MINDY4: variants seen among roughly 807,000 people sequenced by gnomAD.
The protein encoded by MINDY4 is probable ubiquitin carboxyl-terminal hydrolase MINDY-4.
Under a neutral mutation model 87.0 loss-of-function variants are expected in MINDY4, and 68 were observed. The ratio of observed to expected loss-of-function variants is 0.78; its 90% confidence interval spans 0.64 to 0.96. The LOEUF is 0.96. Ranked by LOEUF, MINDY4 falls within the 40% of genes least tolerant of loss-of-function variation. The pLI is 0.00. For missense variants in MINDY4, 919 were observed against 928.2 expected, an observed-to-expected ratio of 0.99 and a Z score of 0.13; for synonymous variants, 379 against 363.2, an observed-to-expected ratio of 1.04 and a Z score of -0.50.
intron 9 of MINDY4, among the ~76,000 whole-genome samples, chr7:30,841,769 C>A (rs556677933): frequency 6.6e-6 from 1 of 152,284 alleles, no homozygotes; most frequent in African/African-American, 2.4e-5. Context: ...TTCTAGTACT[C>A]CAGAAGCATC....
intron 5 of MINDY4, among the ~76,000 whole-genome samples, chr7:30,809,518 G>C (rs1787920289): frequency 6.6e-6 from 1 of 151,148 alleles, no homozygotes; most frequent in South Asian, 2.1e-4. Flanking sequence ...TTCAGGACAG[G>C]ACCATCGATG....
intron 1 of MINDY4, among the ~76,000 whole-genome samples, chr7:30,775,011 G>A (rs953020628): frequency 2.6e-5 from 4 of 151,900 alleles, no homozygotes; most frequent in Non-Finnish European, 4.4e-5. Flanking sequence ...ATATCTACTG[G>A]GATGTCTAAC....
chr7:30,870,651 G>A (rs894332548), intron 13 of MINDY4, among the ~76,000 whole-genome samples: 2 of 152,226 alleles, frequency 1.3e-5, no homozygotes, highest in African/African-American at 2.4e-5. Flanking sequence ...AGCTGGAATT[G>A]CTAAACTTGT....
At chr7:30,831,354 G>A (rs1036045367) in intron 6 of MINDY4, among the ~76,000 whole-genome samples, 1 of 152,154 alleles carries the variant, frequency 6.6e-6, no homozygotes, top group Non-Finnish European at 1.5e-5. Flanking sequence ...GCAGGCAGCT[G>A]CTTGAATGAA....
chr7:30,837,692 C>T (rs1446144964), intron 7 of MINDY4, among the ~76,000 whole-genome samples: 2 of 152,156 alleles, frequency 1.3e-5, no homozygotes, highest in Admixed American at 1.3e-4. Context: ...TGGGGCAGAC[C>T]CCTCAGGCTC....
chr7:30,777,515 GTT>G (rs974871072), intron 1 of MINDY4, among the ~76,000 whole-genome samples: 8 of 152,062 alleles, frequency 5.3e-5, no homozygotes, highest in African/African-American at 1.9e-4. Context: ...TCAAGATTGT[GTT>G]CTTTTAGTTT....
chr7:30,785,708 T>C, intron 3 of MINDY4, 41 bp from the exon 4 acceptor site: 1 of 1,610,134 alleles, frequency 6.2e-7, no homozygotes, highest in Non-Finnish European at 8.5e-7. Flanking sequence ...ACTGATTCCT[T>C]TTGGGGAGTC....
At chr7:30,792,326 TGAA>T (rs1787350117) in intron 5 of MINDY4, among the ~76,000 whole-genome samples, 1 of 152,242 alleles carries the variant, frequency 6.6e-6, no homozygotes, top group African/African-American at 2.4e-5. Context: ...TGTAGGTTTA[TGAA>T]GAAGATTGGC....
At chr7:30,846,409 C>G (rs981399656) in intron 9 of MINDY4, among the ~76,000 whole-genome samples, 1 of 152,222 alleles carries the variant, frequency 6.6e-6, no homozygotes, top group Non-Finnish European at 1.5e-5. Flanking sequence ...TTTTCCCTAT[C>G]TCTAGATAAA....
chr7:30,831,401 C>T (rs1219837111), intron 6 of MINDY4, among the ~76,000 whole-genome samples: 1 of 152,192 alleles, frequency 6.6e-6, no homozygotes, highest in African/African-American at 2.4e-5. Flanking sequence ...CTCTGTCCCA[C>T]ATCATCCCTA....
intron 4 of MINDY4, among the ~76,000 whole-genome samples, chr7:30,787,030 G>A (rs966002283): frequency 6.6e-6 from 1 of 152,252 alleles, no homozygotes; most frequent in Non-Finnish European, 1.5e-5. Flanking sequence ...GGGTGCAGGT[G>A]CTGGCACTGT....
chr7:30,867,675 G>A (rs1042568410), intron 13 of MINDY4, among the ~76,000 whole-genome samples: 1 of 152,206 alleles, frequency 6.6e-6, no homozygotes, highest in Non-Finnish European at 1.5e-5. Context: ...CGAAAGGGCT[G>A]TTATCTCTGG....
intron 5 of MINDY4, among the ~76,000 whole-genome samples, chr7:30,825,454 T>A (rs1210037739): frequency 2.0e-5 from 3 of 152,288 alleles, no homozygotes; most frequent in South Asian, 2.1e-4. Flanking sequence ...CTCAGCGGGC[T>A]CATGGCCACC....
At chr7:30,784,679 T>C (rs939762392) in intron 3 of MINDY4, among the ~76,000 whole-genome samples, 4 of 152,236 alleles carry the variant, frequency 2.6e-5, no homozygotes, top group African/African-American at 9.6e-5. Flanking sequence ...TGGGGACCTC[T>C]TGCTGCCTGG....
At chr7:30,865,020 C>T (rs778685244) in intron 13 of MINDY4, among the ~76,000 whole-genome samples, 5 of 152,096 alleles carry the variant, frequency 3.3e-5, no homozygotes, top group African/African-American at 7.2e-5. Context: ...CTGTTCTGAA[C>T]GGGAGGGGTC....
intron 9 of MINDY4, among the ~76,000 whole-genome samples, chr7:30,844,073 G>T (rs1789126909): frequency 6.6e-6 from 1 of 152,094 alleles, no homozygotes; most frequent in Admixed American, 6.5e-5. Flanking sequence ...TGCAACTCTG[G>T]GTGCTGCTTG....
intron 9 of MINDY4, among the ~76,000 whole-genome samples, chr7:30,844,230 T>G (rs1247343494): frequency 2.0e-5 from 3 of 152,080 alleles, no homozygotes; most frequent in Non-Finnish European, 4.4e-5. Context: ...GGGACATTCT[T>G]CAGACTCCCC....
At chr7:30,826,007 GTA>G (rs1788488417) in intron 5 of MINDY4, among the ~76,000 whole-genome samples, 1 of 152,200 alleles carries the variant, frequency 6.6e-6, no homozygotes, top group East Asian at 1.9e-4. Context: ...TCCTTGGCTT[GTA>G]GCTCCTTCCT....
At chr7:30,775,569 A>G (rs1478137107) in intron 1 of MINDY4, among the ~76,000 whole-genome samples, 1 of 152,170 alleles carries the variant, frequency 6.6e-6, no homozygotes, top group Non-Finnish European at 1.5e-5. Context: ...ATCATTGACC[A>G]TTGGTGGTTA....
Sources: gnomAD v4.1 joint callset for allele counts (sites outside exome capture counted in the v4.1 genomes callset) on GRCh38, gnomAD v4.1.1 for gene constraint, MANE v1.5 for transcripts, NCBI Gene and HGNC (gene_info 2026-07-23, HGNC 2026-07-21) for gene names.